The following HS2ST1 variants were observed in gnomAD, a reference collection of about 807,000 sequenced individuals.
HS2ST1 encodes heparan sulfate 2-O-sulfotransferase 1, also known as 2-O-sulfotransferase.
A neutral mutation model predicts 42.9 loss-of-function variants in HS2ST1; 18 were observed. That is an observed-to-expected ratio of 0.42 (90% CI 0.29 to 0.62). The LOEUF (loss-of-function observed/expected upper bound fraction) is 0.62. Ranked by LOEUF, HS2ST1 falls within the 20% of genes least tolerant of loss-of-function variation. The pLI is 0.21. For synonymous variants in HS2ST1, 146 were observed against 152.9 expected (o/e 0.95, Z 0.33); for missense variants, 334 against 433.8 (o/e 0.77, Z 2.04).
intron 1 of HS2ST1, among the ~76,000 whole-genome samples, chr1:86,953,994 G>A (rs996086030): frequency 2.3e-5 from 3 of 129,994 alleles, no homozygotes; most frequent in South Asian, 2.7e-4. Context: ...GGTTTGTGAC[G>A]CCCCAAAACA....
chr1:87,060,315 A>G (rs1461639300), intron 1 of HS2ST1, among the ~76,000 whole-genome samples: 1 of 152,168 alleles, frequency 6.6e-6, no homozygotes, highest in Non-Finnish European at 1.5e-5. Context: ...TATATCAAAT[A>G]ATTTTAAAAG....
intron 1 of HS2ST1, among the ~76,000 whole-genome samples, chr1:87,035,615 C>T (rs1371870926): frequency 6.6e-6 from 1 of 152,082 alleles, no homozygotes; most frequent in African/African-American, 2.4e-5. Flanking sequence ...TACTGTGTAT[C>T]CAGCATTGAT....
At chr1:87,002,898 G>A (rs543809730) in intron 1 of HS2ST1, among the ~76,000 whole-genome samples, 1 of 152,142 alleles carries the variant, frequency 6.6e-6, no homozygotes, top group Non-Finnish European at 1.5e-5. Context: ...CAACTTTTTA[G>A]CAGTGGAACT....
chr1:87,095,004 G>T (rs911674773), intron 4 of HS2ST1, among the ~76,000 whole-genome samples: 5 of 151,988 alleles, frequency 3.3e-5, no homozygotes, highest in Non-Finnish European at 5.9e-5. Flanking sequence ...TTTCAGTCTT[G>T]AAACATATTG....
At chr1:87,088,929 T>G (rs1778013) in intron 3 of HS2ST1, among the ~76,000 whole-genome samples, 124,861 of 151,940 alleles carry the variant, frequency 0.82, 51,465 homozygotes, top group East Asian at 0.95. Flanking sequence ...AAGCTTTAGG[T>G]CTGAGAGAGT....
intron 1 of HS2ST1, among the ~76,000 whole-genome samples, chr1:87,017,351 G>A (rs1488275692): frequency 6.6e-6 from 1 of 152,124 alleles, no homozygotes; most frequent in Non-Finnish European, 1.5e-5. Flanking sequence ...TGACCAGGCT[G>A]GTCTTGAACT....
At chr1:86,981,926 G>T (rs974563307) in intron 1 of HS2ST1, among the ~76,000 whole-genome samples, 3 of 152,238 alleles carry the variant, frequency 2.0e-5, no homozygotes, top group African/African-American at 7.2e-5. Context: ...TCCTAGCAGA[G>T]GTTCTCCATG....
At chr1:86,958,866 A>AG (rs1647746330) in intron 1 of HS2ST1, among the ~76,000 whole-genome samples, 1 of 152,250 alleles carries the variant, frequency 6.6e-6, no homozygotes, top group East Asian at 1.9e-4. Context: ...AAATCCAAAA[A>AG]TGTATAAAAA....
intron 1 of HS2ST1, among the ~76,000 whole-genome samples, chr1:86,995,324 C>A (rs1415814719): frequency 3.3e-5 from 5 of 152,134 alleles, no homozygotes; most frequent in Non-Finnish European, 7.4e-5. Context: ...TGTTTAATTA[C>A]CTTGGTGTTT....
chr1:87,104,433 T>A, intron 6 of HS2ST1, 37 bp from the exon 7 acceptor site: 1 of 1,339,188 alleles, frequency 7.5e-7, no homozygotes, highest in Non-Finnish European at 1.1e-6. Context: ...TCTCCAAGAA[T>A]TATTTACCTT....
intron 1 of HS2ST1, among the ~76,000 whole-genome samples, chr1:86,968,212 A>G (rs180987851): frequency 4.6e-5 from 7 of 152,222 alleles, no homozygotes; most frequent in Admixed American, 3.9e-4. Context: ...ATAGTTGGCA[A>G]TTATTTTCTC....
intron 5 of HS2ST1, among the ~76,000 whole-genome samples, chr1:87,102,467 A>G (rs952291960): frequency 2.6e-5 from 4 of 152,192 alleles, no homozygotes; most frequent in African/African-American, 9.6e-5. Flanking sequence ...CCCATGATCC[A>G]GTTACCTCCC....
At chr1:87,000,680 C>T (rs78274872) in intron 1 of HS2ST1, among the ~76,000 whole-genome samples, 81 of 152,246 alleles carry the variant, frequency 5.3e-4, no homozygotes, top group African/African-American at 1.9e-3. Flanking sequence ...AAGACTTTGC[C>T]CAGTTTCACT....
chr1:87,089,290 A>G (rs1223826107), intron 3 of HS2ST1, among the ~76,000 whole-genome samples: 2 of 152,064 alleles, frequency 1.3e-5, no homozygotes, highest in African/African-American at 4.8e-5. Flanking sequence ...TTCCTAAAAT[A>G]TCTTTTTACC....
intron 2 of HS2ST1, among the ~76,000 whole-genome samples, chr1:87,080,872 C>T (rs773519213): frequency 6.6e-6 from 1 of 152,280 alleles, no homozygotes; most frequent in South Asian, 2.1e-4. Context: ...ACAGAAGGAA[C>T]GTTTAGACAG....
At chr1:86,919,619 G>A (rs1400036152) in intron 1 of HS2ST1, among the ~76,000 whole-genome samples, 3 of 151,924 alleles carry the variant, frequency 2.0e-5, no homozygotes, top group African/African-American at 4.8e-5. Flanking sequence ...TTTAAACCTC[G>A]GGGACCCATA....
intron 1 of HS2ST1, among the ~76,000 whole-genome samples, chr1:86,986,230 TATAA>T (rs1648782008): frequency 1.3e-5 from 2 of 152,166 alleles, no homozygotes; most frequent in African/African-American, 4.8e-5. Context: ...TAACTTCTTA[TATAA>T]ATATTTATCT....
At chr1:86,978,512 T>C (rs989420108) in intron 1 of HS2ST1, among the ~76,000 whole-genome samples, 3 of 152,222 alleles carry the variant, frequency 2.0e-5, no homozygotes, top group Admixed American at 2.0e-4. Flanking sequence ...ATGTCCTTTT[T>C]CTTGAATCCT....
intron 1 of HS2ST1, among the ~76,000 whole-genome samples, chr1:86,961,373 A>C (rs1224349980): frequency 1.3e-5 from 2 of 152,168 alleles, no homozygotes; most frequent in Non-Finnish European, 2.9e-5. Flanking sequence ...ATTGTTTAAT[A>C]TTGTTTGAAT....
Sources: allele counts gnomAD v4.1 joint callset (sites outside exome capture counted in the v4.1 genomes callset), GRCh38; gene constraint gnomAD v4.1.1; transcripts MANE v1.5; gene names NCBI Gene and HGNC (gene_info 2026-07-23, HGNC 2026-07-21).